RAET1E: variants seen among roughly 807,000 people sequenced by gnomAD.
RAET1E encodes the protein retinoic acid early transcript 1E, also known as NKG2D ligand 4.
RAET1E carries 27 observed loss-of-function variants against 21.1 expected under a neutral mutation model. The ratio of observed to expected loss-of-function variants is 1.28; its 90% CI spans 0.94 to 1.76. RAET1E has a LOEUF of 1.76. Among genes scored for constraint, RAET1E ranks in the 40% most tolerant of loss-of-function variants. The probability of loss-of-function intolerance (pLI) is 0.00; values close to 1 mark genes in which losing one functional copy is unlikely to be tolerated. For synonymous variants in RAET1E, 113 were observed against 115.0 expected, an observed-to-expected ratio of 0.98 and a Z score of 0.11; for missense variants, 310 against 311.3, an observed-to-expected ratio of 1.00 and a Z score of 0.03.
intron 2 of RAET1E, among the ~76,000 whole-genome samples, chr6:149,891,818 T>C (rs1031084307): frequency 6.6e-6 from 1 of 152,188 alleles, no homozygotes; most frequent in Non-Finnish European, 1.5e-5. Context: ...CCTGGTAGTT[T>C]GCTGCACCCA....
rs925793215 is a variant in RAET1E, at chr6:149,886,983, TC to T, written c.*1514del. On this transcript the variant is annotated 3_prime_UTR_variant, in exon 6 of 6. Transcript: ENST00000357183. ...CCAAAGGGTGGCAGATATATTTTTT[TC>T]CCCTTGAATTGTAATACACCTTTCC... is the stretch of plus-strand genomic sequence containing the variant. Among the ~76,000 whole-genome samples the T allele has an allele frequency of 2.0e-5, 3 of 152,240 alleles. No homozygotes were observed. The highest frequency in any genetic ancestry group is 7.2e-5 in the African/African-American group (3 of 41,542).
rs537650102 is a variant in RAET1E at position 149,886,276 on chromosome 6, T to C, written c.*2222A>G. On this transcript the variant is annotated 3_prime_UTR_variant, in exon 6 of 6. Transcript: ENST00000357183. The stretch of plus-strand genomic sequence containing the variant: ...AGTTATTTGGAAGCATATTATTTGA[T>C]ATCCAAACATTTGAGGATTTTTCCA... Among the ~76,000 whole-genome samples the C allele has an allele frequency of 6.6e-6, 1 of 152,384 alleles. No individual in the cohort carries two copies. Among genetic ancestry groups the C allele is most frequent in the African/African-American group, 2.4e-5 (1 of 41,598 alleles).
Position 149,890,022 on chromosome 6 carries a change from A to C in RAET1E, c.209T>G (p.Met70Arg). The C allele has an allele frequency of 6.2e-7, 1 of 1,614,092 alleles. No individual in the cohort carries two copies. The highest frequency in any genetic ancestry group is 1.3e-5 in the African/African-American group (1 of 74,998). Residue 70 changes from methionine to arginine, a missense_variant, in exon 4 of 6, where the codon ATG (methionine) becomes AGG (arginine). Met to Arg is a moderately conservative substitution (Grantham distance 91). Transcript: ENST00000357183. Reference protein sequence around the residue: ...LFLQYNSDNNMVKPLGLLGKK... With the variant: ...LFLQYNSDNNRVKPLGLLGKK... Reference sequence around the variant, plus strand: ...CCCCAGGAGGCCCAGAGGTTTGACCATGTTGTTGTCACTGTTGTACTGAAG... The same window carrying C: ...CCCCAGGAGGCCCAGAGGTTTGACCCTGTTGTTGTCACTGTTGTACTGAAG...
At chr6:149,896,785 T>C (rs1043166524) in intron 1 of RAET1E, among the ~76,000 whole-genome samples, 31 of 152,140 alleles carry the variant, frequency 2.0e-4, no homozygotes, top group African/African-American at 3.6e-4. Flanking sequence ...ACCAGGCCTA[T>C]ACTTGGGTCC....
At position 149,894,844 on chromosome 6, in the gene RAET1E, G is replaced by A. The variant is rs1054875202; in HGVS notation, c.-134+1002C>T. On this transcript the variant is annotated intron_variant, in intron 2 of 5. Coordinates refer to ENST00000357183, the MANE Select transcript of RAET1E (RefSeq NM_001394057.1). Reference sequence around the variant, plus strand: ...GGCGAGGAGTTGTGATCATTTGGAGGAGGAGAGGCGTTCTTGTTTTTGGAA... The same window carrying A: ...GGCGAGGAGTTGTGATCATTTGGAGAAGGAGAGGCGTTCTTGTTTTTGGAA... 2.0e-5 allele frequency among the ~76,000 whole-genome samples: 3 copies of A among 152,202 alleles called. No homozygotes were observed. The South Asian group carries it at 6.2e-4, about 32-fold the overall frequency.
intron 2 of RAET1E, among the ~76,000 whole-genome samples, chr6:149,892,809 G>C (rs1400033581): frequency 1.3e-5 from 2 of 152,080 alleles, no homozygotes; most frequent in African/African-American, 4.8e-5. Flanking sequence ...GTATTGCCCG[G>C]GTTTTCTTCT....
In RAET1E at chr6:149,885,216, C is replaced by T. The variant is rs148304856; in HGVS notation, c.*3282G>A. 1.6e-3 allele frequency among the ~76,000 whole-genome samples: 237 copies of T among 152,046 alleles called. 1 individual carries two copies. Among genetic ancestry groups the T allele is most frequent in the African/African-American group, 5.6e-3 (231 of 41,478 alleles). On this transcript the variant is annotated 3_prime_UTR_variant, in exon 6 of 6. Transcript: ENST00000357183. ...TCAGACCACCCATCACATAGGCAACCCCTGGAGAGTGACCCTGGTTTAAAG... is the reference window on the plus strand; with the variant it reads ...TCAGACCACCCATCACATAGGCAACTCCTGGAGAGTGACCCTGGTTTAAAG...
At chr6:149,895,271 G>C (rs146567933) in intron 2 of RAET1E, among the ~76,000 whole-genome samples, 1 of 152,230 alleles carries the variant, frequency 6.6e-6, no homozygotes, top group Admixed American at 6.5e-5. Flanking sequence ...CTGACCCTTA[G>C]CAGAGCTCGA....
At position 149,890,869 on chromosome 6, in the gene RAET1E, C is replaced by G; in HGVS notation, c.33G>C (p.Val11=). ...GCAACAGCAGAAACAAAAGAAGGCG[C>G]ACAGGGCTAGAAGTCAGGGATATTC... MRRISLTSSP[V]RLLLFLLLLL... is the part of the protein sequence containing the mutation. Residue 11 remains valine, a synonymous_variant, in exon 3 of 6, where the codon GTG becomes GTC. Transcript: ENST00000357183. 6.2e-7 allele frequency: 1 copy of G among 1,613,594 alleles called. No individual in the cohort carries two copies. The highest frequency in any genetic ancestry group is 1.1e-5 in the South Asian group (1 of 91,042).
chr6:149,888,427 GGA>G lies in RAET1E; in HGVS notation c.*69_*70del. 1 of 1,554,928 alleles carries G rather than the reference GGA, an allele frequency of 6.4e-7. No individual in the cohort carries two copies. The highest frequency in any genetic ancestry group is 1.4e-5 in the African/African-American group (1 of 73,350). On this transcript the variant is annotated 3_prime_UTR_variant, in exon 6 of 6. Coordinates refer to ENST00000357183, the MANE Select transcript of RAET1E (RefSeq NM_001394057.1). ...GACTAAGGCAGTGCACCATTTCTGT[GGA>G]GAGAGATGGATCAGGGAGCGGGGGC...
Position 149,884,373 on chromosome 6 carries a change from C to G in RAET1E, c.*4125G>C. On this transcript the variant is annotated 3_prime_UTR_variant, in exon 6 of 6. Coordinates refer to ENST00000357183, the MANE Select transcript of RAET1E (RefSeq NM_001394057.1). Reference sequence around the variant, plus strand: ...GACTGGAATGCAGAGGCGCGATCTCCGCTCATTGCAGGCTCCGCCTCCACT... The same window carrying G: ...GACTGGAATGCAGAGGCGCGATCTCGGCTCATTGCAGGCTCCGCCTCCACT... The G allele has an allele frequency of 3.1e-6, 3 of 976,924 alleles. No homozygotes were observed. Among genetic ancestry groups the G allele is most frequent in the Non-Finnish European group, 4.7e-6 (3 of 641,292 alleles). 60.5% of individuals were successfully genotyped at this position (976,924 alleles called of 1,614,324 possible).
Position 149,888,052 on chromosome 6 carries a change from T to C in RAET1E, c.*446A>G, listed in dbSNP as rs1300976961. 4 of 388,078 alleles carry C rather than the reference T, an allele frequency of 1.0e-5. No individual in the cohort carries two copies. In the East Asian group the frequency reaches 3.0e-4, roughly 29 times the overall value. 24.0% of individuals were successfully genotyped at this position (388,078 alleles called of 1,614,324 possible). ...CCCCATCTCTACTAAAAATGTAGGA[T>C]GTAGTTCGGCACTGTAATGTTTAGA... is the stretch of plus-strand genomic sequence containing the variant. On this transcript the variant is annotated 3_prime_UTR_variant, in exon 6 of 6. Coordinates refer to ENST00000357183, the MANE Select transcript of RAET1E (RefSeq NM_001394057.1).
rs1031847060 is a variant in RAET1E at position 149,886,265 on chromosome 6, A to G, written c.*2233T>C. ...ATTTGATATATAGTTATTTGGAAGC[A>G]TATTATTTGATATCCAAACATTTGA... On this transcript the variant is annotated 3_prime_UTR_variant, in exon 6 of 6. Coordinates refer to ENST00000357183, the MANE Select transcript of RAET1E (RefSeq NM_001394057.1). Among the ~76,000 whole-genome samples the G allele has an allele frequency of 3.3e-5, 5 of 152,242 alleles. No individual in the cohort carries two copies. The highest frequency in any genetic ancestry group is 1.2e-4 in the African/African-American group (5 of 41,466).
chr6:149,888,360 C>T lies in RAET1E; in HGVS notation c.*138G>A. The T allele has an allele frequency of 9.6e-7, 1 of 1,045,706 alleles. No homozygotes were observed. The highest frequency in any genetic ancestry group is 1.5e-5 in the South Asian group (1 of 67,116). The allele number at this position is 1,045,706 out of a possible 1,614,324, so 64.8% of individuals were successfully genotyped here. The stretch of plus-strand genomic sequence containing the variant: ...GATTGCTTCATCCCTCCTCTCACTG[C>T]ACATTGTGCTGCCAGCCCTGCTGTG... On this transcript the variant is annotated 3_prime_UTR_variant, in exon 6 of 6. Transcript: ENST00000357183.
chr6:149,894,565 T>C (rs1309771840), intron 2 of RAET1E, among the ~76,000 whole-genome samples: 1 of 152,152 alleles, frequency 6.6e-6, no homozygotes. Context: ...GCTTGATTGA[T>C]TTGGCTATTG....
rs1206039731 is a variant in RAET1E at position 149,885,147 on chromosome 6, C to G, written c.*3351G>C. ...GATGGTCAGATCATCAAGCTGCTGCCCCACCCAAAATTGTGTCTTGCCCAC... is the reference window on the plus strand; with the variant it reads ...GATGGTCAGATCATCAAGCTGCTGCGCCACCCAAAATTGTGTCTTGCCCAC... On this transcript the variant is annotated 3_prime_UTR_variant, in exon 6 of 6. Coordinates refer to ENST00000357183, the MANE Select transcript of RAET1E (RefSeq NM_001394057.1). Among the ~76,000 whole-genome samples, 1 of 152,108 alleles carries G rather than the reference C, an allele frequency of 6.6e-6. No individual in the cohort carries two copies. The highest frequency in any genetic ancestry group is 1.5e-5 in the Non-Finnish European group (1 of 68,022).
At chr6:149,894,097 G>A (rs866467579) in intron 2 of RAET1E, among the ~76,000 whole-genome samples, 1 of 152,076 alleles carries the variant, frequency 6.6e-6, no homozygotes, top group Non-Finnish European at 1.5e-5. Flanking sequence ...TGCTGGGTTC[G>A]GTTTGCCAGG....
intron 4 of RAET1E, 37 bp downstream of exon 4, chr6:149,889,848 T>G: frequency 6.2e-7 from 1 of 1,600,812 alleles, no homozygotes; most frequent in Non-Finnish European, 8.5e-7. Context: ...CCTCTCTTAC[T>G]GCCTGCCTCT....
chr6:149,889,946 T>A lies in RAET1E; in HGVS notation c.285A>T (p.Gly95=). The A allele has an allele frequency of 6.2e-7, 1 of 1,614,126 alleles. No homozygotes were observed. Among genetic ancestry groups the A allele is most frequent in the Non-Finnish European group, 8.5e-7 (1 of 1,180,032 alleles). ...GCATCCTGAGGTCTCGCCCCACTTC[T>A]CCCAGCGTTTGGGTCAATTCTCCCC... ...STWGELTQTL[G]EVGRDLRMLL... is the part of the protein sequence containing the mutation. The change falls in exon 4 of 6, where the codon GGA becomes GGT. Residue 95 remains glycine (G), a synonymous_variant. Coordinates refer to ENST00000357183, the MANE Select transcript of RAET1E (RefSeq NM_001394057.1).
Sources: gnomAD v4.1 joint callset for allele counts (sites outside exome capture counted in the v4.1 genomes callset) on GRCh38, gnomAD v4.1.1 for gene constraint, MANE v1.5 for transcripts, NCBI Gene and HGNC (gene_info 2026-07-23, HGNC 2026-07-21) for gene names.